Variants in PDE3B observed in about 807,000 individuals in gnomAD.
The protein encoded by PDE3B is phosphodiesterase 3B.
PDE3B carries 66 observed loss-of-function variants against 116.8 expected under a neutral mutation model. The observed-to-expected ratio is 0.56, with a 90% CI of 0.46 to 0.69. The LOEUF (loss-of-function observed/expected upper bound fraction) is 0.69. Ranked by LOEUF, PDE3B falls within the 30% of genes least tolerant of loss-of-function variation. PDE3B has a pLI of 0.00. For missense variants in PDE3B, 1,384 were observed against 1,368.1 expected (o/e 1.01, Z -0.18); for synonymous variants, 595 against 533.6 (o/e 1.12, Z -1.59).
intron 1 of PDE3B, among the ~76,000 whole-genome samples, chr11:14,655,621 G>C (rs1359616228): frequency 1.3e-5 from 2 of 152,146 alleles, no homozygotes; most frequent in Admixed American, 6.6e-5. Context: ...AGACACAATT[G>C]TGTAACTGCT....
intron 1 of PDE3B, among the ~76,000 whole-genome samples, chr11:14,660,203 T>A (rs143100509): frequency 6.6e-6 from 1 of 152,236 alleles, no homozygotes; most frequent in Non-Finnish European, 1.5e-5. Context: ...GGGAGGGGAA[T>A]ATCCCCAAAA....
chr11:14,870,380 ATG>A lies in PDE3B; in HGVS notation c.*722_*723del, dbSNP rs1355946878. On this transcript the variant is annotated 3_prime_UTR_variant, in exon 16 of 16. Coordinates refer to ENST00000282096, the MANE Select transcript of PDE3B (RefSeq NM_000922.4). The surrounding 1 kb of genome is among the most constrained non-coding windows in gnomAD (Gnocchi z 4.1). ...GAAGTTTGAATTCCAGTCTTATCTT[ATG>A]TTCCATGGCTGAATTTTAAAGCTGT... 1.4e-4 allele frequency: 21 copies of A among 152,608 alleles called. No individual in the cohort carries two copies. Among genetic ancestry groups the A allele is most frequent in the African/African-American group, 5.1e-4 (21 of 41,444 alleles). The allele number at this position is 152,608 out of a possible 1,614,324, so 9.5% of individuals were successfully genotyped here.
intron 11 of PDE3B, among the ~76,000 whole-genome samples, chr11:14,836,528 C>T (rs575910415): frequency 6.6e-6 from 1 of 152,122 alleles, no homozygotes; most frequent in African/African-American, 2.4e-5. Flanking sequence ...CAAAGCCGCT[C>T]CCACATTTTT....
intron 1 of PDE3B, among the ~76,000 whole-genome samples, chr11:14,756,415 C>T (rs1857181778): frequency 6.6e-6 from 1 of 152,140 alleles, no homozygotes; most frequent in African/African-American, 2.4e-5. Context: ...ATAGGAGAGG[C>T]CCCTCAAGAG....
intron 5 of PDE3B, among the ~76,000 whole-genome samples, chr11:14,805,603 A>T (rs1313979360): frequency 6.6e-6 from 1 of 152,224 alleles, no homozygotes; most frequent in Non-Finnish European, 1.5e-5. Flanking sequence ...TCTTTTAGTA[A>T]ATCAGATGAG....
At chr11:14,674,211 C>T in intron 1 of PDE3B, 1 of 1,252,176 alleles carries the variant, frequency 8.0e-7, no homozygotes, top group Non-Finnish European at 1.2e-6. Flanking sequence ...CAGGGGTTTT[C>T]TGTTTGTTCT....
chr11:14,874,432 C>T (rs896404167), downstream of PDE3B, among the ~76,000 whole-genome samples: 9 of 152,034 alleles, frequency 5.9e-5, no homozygotes, highest in African/African-American at 2.2e-4. Context: ...ATTATTTGCT[C>T]TTTTCTTAAA....
intron 4 of PDE3B, among the ~76,000 whole-genome samples, chr11:14,792,305 T>C (rs764380373): frequency 1.3e-5 from 2 of 152,144 alleles, no homozygotes; most frequent in Non-Finnish European, 2.9e-5. Context: ...TTCCTTGATG[T>C]TTTCTGGTAA....
intron 14 of PDE3B, among the ~76,000 whole-genome samples, chr11:14,864,831 C>A (rs1182204566): frequency 6.6e-6 from 1 of 152,108 alleles, no homozygotes; most frequent in Non-Finnish European, 1.5e-5. Context: ...TGGGACACAG[C>A]TAAAGCAGTG....
At chr11:14,872,674 T>C (rs1868997), downstream of PDE3B, among the ~76,000 whole-genome samples, 99,047 of 152,060 alleles carry the variant, frequency 0.65, 32,396 homozygotes, top group Middle Eastern at 0.71. Context: ...CCTTGTTATA[T>C]GTGGGGGATT....
At chr11:14,687,717 T>G (rs944611040) in intron 1 of PDE3B, among the ~76,000 whole-genome samples, 13 of 152,118 alleles carry the variant, frequency 8.5e-5, no homozygotes, top group Non-Finnish European at 1.9e-4. Flanking sequence ...TGCCACTGTT[T>G]TTGTTTTAGT....
At chr11:14,830,664 A>G in intron 7 of PDE3B, 34 bp from the exon 8 acceptor site, 2 of 1,044,872 alleles carry the variant, frequency 1.9e-6, no homozygotes, top group Non-Finnish European at 2.7e-6. Context: ...GGCACATTTT[A>G]CTCCTATATA....
At chr11:14,818,045 A>C (rs1281643726) in intron 5 of PDE3B, 138 bp from the exon 6 acceptor site, 1 of 628,602 alleles carries the variant, frequency 1.6e-6, no homozygotes, top group East Asian at 2.8e-5. Flanking sequence ...GGCCCCATGC[A>C]GGAATTTATA....
At chr11:14,829,186 A>T (rs1263868549) in intron 7 of PDE3B, among the ~76,000 whole-genome samples, 1 of 152,120 alleles carries the variant, frequency 6.6e-6, no homozygotes, top group African/African-American at 2.4e-5. Flanking sequence ...AGAGGATCAG[A>T]AAAACAACTA....
chr11:14,875,198 C>A (rs931195679), downstream of PDE3B, among the ~76,000 whole-genome samples: 1 of 152,116 alleles, frequency 6.6e-6, no homozygotes. Context: ...CTACTTCTCT[C>A]CTTATGTACC....
At chr11:14,892,124 G>T in the PDE3B span, 1 of 1,611,620 alleles carries the variant, frequency 6.2e-7, no homozygotes, top group South Asian at 1.1e-5. Flanking sequence ...AGCAGCTGGC[G>T]GACCCCTAGC....
At chr11:14,840,990 T>G (rs185367897) in intron 11 of PDE3B, among the ~76,000 whole-genome samples, 1 of 152,328 alleles carries the variant, frequency 6.6e-6, no homozygotes, top group African/African-American at 2.4e-5. Context: ...TCAGCTTGGC[T>G]GGGCAGTAGT....
At chr11:14,825,488 A>T (rs191432082) in intron 7 of PDE3B, among the ~76,000 whole-genome samples, 2 of 152,334 alleles carry the variant, frequency 1.3e-5, no homozygotes, top group East Asian at 3.9e-4. Flanking sequence ...AGAGGTTGCA[A>T]TCCTAATTTC....
chr11:14,717,349 G>A (rs1208740425), intron 1 of PDE3B, among the ~76,000 whole-genome samples: 1 of 119,510 alleles, frequency 8.4e-6, no homozygotes, highest in Non-Finnish European at 1.7e-5. Context: ...ACACTCTGCA[G>A]GATATTATCC....
Sources: gnomAD v4.1 joint callset for allele counts (sites outside exome capture counted in the v4.1 genomes callset) on GRCh38, gnomAD v4.1.1 for gene constraint, Gnocchi (gnomAD v3.1) non-coding constraint, MANE v1.5 for transcripts, NCBI Gene and HGNC (gene_info 2026-07-23, HGNC 2026-07-21) for gene names.